The following DNAH12 variants were observed in gnomAD, a reference collection of about 807,000 sequenced individuals.
DNAH12 encodes dynein axonemal heavy chain 12, also known as axonemal beta dynein heavy chain 12.
In DNAH12, 285 loss-of-function variants were observed where a neutral mutation model predicts 371.5. The observed-to-expected ratio is 0.77, with a 90% CI of 0.70 to 0.85. DNAH12 has a LOEUF of 0.85. Among genes scored for constraint, DNAH12 ranks in the 40% least tolerant of loss-of-function variants. The probability of loss-of-function intolerance (pLI) is 0.00; values close to 1 mark genes in which losing one functional copy is unlikely to be tolerated. For synonymous variants in DNAH12, 1,200 were observed against 1,213.0 expected (o/e 0.99, Z 0.22); for missense variants, 3,611 against 3,689.4 (o/e 0.98, Z 0.55).
At chr3:57,351,709 G>A (rs558583522) in intron 60 of DNAH12, among the ~76,000 whole-genome samples, 32 of 152,088 alleles carry the variant, frequency 2.1e-4, no homozygotes, top group Non-Finnish European at 4.0e-4. Flanking sequence ...ATATATATAT[G>A]TCAAGCTAAT....
At chr3:57,429,148 C>T (rs1272798494) in intron 33 of DNAH12, among the ~76,000 whole-genome samples, 2 of 151,016 alleles carry the variant, frequency 1.3e-5, no homozygotes, top group Non-Finnish European at 2.9e-5. Context: ...CTCTATCCAT[C>T]CTCCTCACAG....
rs998246747 is a variant in DNAH12 at position 57,328,815 on chromosome 3, T to C, written c.9979-5196A>G. 1.2e-4 allele frequency among the ~76,000 whole-genome samples: 16 copies of C among 130,136 alleles called. 1 individual carries two copies. The highest frequency in any genetic ancestry group is 2.1e-4 in the Non-Finnish European group (13 of 63,174). The allele number at this position is 130,136 out of a possible 152,430, so 85.4% of individuals were successfully genotyped here. On this transcript the variant is annotated intron_variant, in intron 62 of 73. Coordinates refer to ENST00000495027, the MANE Select transcript of DNAH12 (RefSeq NM_001366028.2). The stretch of plus-strand genomic sequence containing the variant: ...ATGATTATATATCTAGAAAACCCCA[T>C]TGTCTCAGCCCAAAATCTCCTTAAG...
chr3:57,295,291 A>G (rs994209580), intron 73 of DNAH12, among the ~76,000 whole-genome samples: 8 of 152,342 alleles, frequency 5.3e-5, no homozygotes, highest in African/African-American at 1.9e-4. Context: ...GCTGAAAAGA[A>G]TGACATATCC....
chr3:57,519,454 T>C (rs954320163), intron 4 of DNAH12, among the ~76,000 whole-genome samples: 2 of 152,220 alleles, frequency 1.3e-5, no homozygotes, highest in African/African-American at 4.8e-5. Context: ...GAAAGGATCA[T>C]CTTTAATAAA....
intron 39 of DNAH12, 61 bp downstream of exon 39, chr3:57,413,684 TA>T (rs2064275071): frequency 6.7e-7 from 1 of 1,482,546 alleles, no homozygotes; most frequent in Non-Finnish European, 9.0e-7. Flanking sequence ...TATTTTACTT[TA>T]AAAACCTAAA....
At chr3:57,404,934 T>C (rs1553680495) in intron 42 of DNAH12, 35 bp downstream of exon 42, 15 of 1,433,740 alleles carry the variant, frequency 1.0e-5, no homozygotes, top group East Asian at 2.8e-5. Context: ...ATTTTACAGA[T>C]AGCAATTTCA....
intron 8 of DNAH12, among the ~76,000 whole-genome samples, chr3:57,504,842 TC>T (rs2067690729): frequency 1.3e-5 from 2 of 152,138 alleles, no homozygotes; most frequent in Admixed American, 1.3e-4. Context: ...ATTCATTCAT[TC>T]TTTTTTCTTT....
At position 57,293,834 on chromosome 3, in the gene DNAH12, T is replaced by G. The variant is rs147966541; in HGVS notation, c.11830A>C (p.Thr3944Pro). The change falls in exon 74 of 74, where the codon ACT (threonine) becomes CCT (proline). Residue 3944 changes from threonine (T) to proline (P), a missense_variant. Around this residue, in one of 3 missense-constraint regions of DNAH12, gnomAD observed 2,266 missense variants for 2,236.9 expected, o/e 1.01. Coordinates refer to ENST00000495027, the MANE Select transcript of DNAH12 (RefSeq NM_001366028.2). Reference sequence around the variant, plus strand: ...ACCCCGCGCTTGATCCAGTGCCGAGTAGGTTGGTCTGTTTTTAACAACATT... The same window carrying G: ...ACCCCGCGCTTGATCCAGTGCCGAGGAGGTTGGTCTGTTTTTAACAACATT... Reference protein sequence around the residue: ...IAMLLKTDQPTRHWIKRGVAL... With the variant: ...IAMLLKTDQPPRHWIKRGVAL... 4 of 1,550,478 alleles carry G rather than the reference T, an allele frequency of 2.6e-6. No homozygotes were observed. Among genetic ancestry groups the G allele is most frequent in the Middle Eastern group, 1.7e-4 (1 of 5,984 alleles).
rs373893130 is a variant in DNAH12, at chr3:57,534,789, G to T, written c.170+7912C>A. Among the ~76,000 whole-genome samples the T allele has an allele frequency of 3.7e-4, 57 of 152,260 alleles. No individual in the cohort carries two copies. In the South Asian group the frequency reaches 8.7e-3, roughly 23 times the overall value. On this transcript the variant is annotated intron_variant, in intron 2 of 73. Transcript: ENST00000495027. ...CTCCCAAAGTGCTGGGATTACAGGT[G>T]TGAGTCACTATGCCTGGCCAGTTAG...
chr3:57,442,813 A>G (rs974129093), intron 29 of DNAH12, among the ~76,000 whole-genome samples: 8 of 152,246 alleles, frequency 5.3e-5, no homozygotes, highest in African/African-American at 1.9e-4. Context: ...GTATTTGAGC[A>G]TAAGAATTTA....
intron 48 of DNAH12, 59 bp from the exon 49 acceptor site, chr3:57,385,064 G>A (rs2063474538): frequency 6.6e-6 from 1 of 152,128 alleles, no homozygotes; most frequent in African/African-American, 2.4e-5. Flanking sequence ...CTCAATCCTA[G>A]ACAAAAGAAT....
At chr3:57,298,430 G>A (rs2061278458) in intron 70 of DNAH12, among the ~76,000 whole-genome samples, 2 of 152,220 alleles carry the variant, frequency 1.3e-5, no homozygotes, top group South Asian at 4.1e-4. Flanking sequence ...CAAAGGGAAT[G>A]GAGACAACAG....
At chr3:57,542,671 G>A in intron 2 of DNAH12, 30 bp downstream of exon 2, 1 of 1,531,952 alleles carries the variant, frequency 6.5e-7, no homozygotes. Flanking sequence ...TGAATTCCAA[G>A]CAAGAATTAT....
At chr3:57,504,668 T>C (rs770254609) in intron 8 of DNAH12, among the ~76,000 whole-genome samples, 7 of 152,218 alleles carry the variant, frequency 4.6e-5, no homozygotes, top group Admixed American at 1.3e-4. Flanking sequence ...TACAGGAATG[T>C]AATGTGCAAT....
At chr3:57,522,923 TC>T (rs1335291892) in intron 4 of DNAH12, among the ~76,000 whole-genome samples, 2 of 152,030 alleles carry the variant, frequency 1.3e-5, no homozygotes, top group Non-Finnish European at 2.9e-5. Context: ...GGCTACTATA[TC>T]ATTATATCAA....
chr3:57,415,561 T>G lies in DNAH12; in HGVS notation c.5718A>C (p.Pro1906=). The G allele has an allele frequency of 6.5e-7, 1 of 1,527,980 alleles. No individual in the cohort carries two copies. The highest frequency in any genetic ancestry group is 8.8e-7 in the Non-Finnish European group (1 of 1,141,802). 94.7% of individuals were successfully genotyped at this position (1,527,980 alleles called of 1,614,324 possible). A position where few individuals can be genotyped will look rare whatever the true frequency, so the allele number is the denominator to read the frequency against. Residue 1906 remains proline (P), a synonymous_variant, in exon 38 of 74, where the codon CCA becomes CCC. Coordinates refer to ENST00000495027, the MANE Select transcript of DNAH12 (RefSeq NM_001366028.2). ...LMDLSITYAK[P]LLFVGPTGTG... is the part of the protein sequence containing the mutation. The stretch of plus-strand genomic sequence containing the variant: ...TACCCGTTGGACCCACAAAAAGGAG[T>G]GGCCTTAATGAAAACAATGAATATA...
intron 10 of DNAH12, 83 bp downstream of exon 10, chr3:57,502,240 C>G: frequency 1.9e-6 from 3 of 1,543,456 alleles, no homozygotes; most frequent in Non-Finnish European, 8.9e-7. Flanking sequence ...TTCATGGCAG[C>G]CCCAGACAAA....
chr3:57,322,931 A>C (rs1342739314), intron 64 of DNAH12, 76 bp downstream of exon 64: 10 of 1,489,798 alleles, frequency 6.7e-6, no homozygotes, highest in Non-Finnish European at 8.9e-6. Context: ...CTCCGTCTCA[A>C]AACAAACAAA....
At chr3:57,500,006 T>C (rs1559725015) in intron 11 of DNAH12, among the ~76,000 whole-genome samples, 1 of 151,636 alleles carries the variant, frequency 6.6e-6, no homozygotes, top group Non-Finnish European at 1.5e-5. Flanking sequence ...GGAATCTTTT[T>C]TCTTTCAATT....
Sources: allele counts gnomAD v4.1 joint callset (sites outside exome capture counted in the v4.1 genomes callset), GRCh38; gene constraint gnomAD v4.1.1; regional missense constraint gnomAD v4.1.1; transcripts MANE v1.5; gene names NCBI Gene and HGNC (gene_info 2026-07-23, HGNC 2026-07-21).